GRIA1: variants seen among roughly 807,000 people sequenced by gnomAD.
The protein encoded by GRIA1 is glutamate ionotropic receptor AMPA type subunit 1, also known as glutamate receptor 1.
Under a neutral mutation model 99.2 loss-of-function variants are expected in GRIA1, and 31 were observed. That is an observed-to-expected ratio of 0.31 (90% CI 0.23 to 0.42). The LOEUF is 0.42. Ranked by LOEUF, GRIA1 falls within the 10% of genes least tolerant of loss-of-function variation. The probability of loss-of-function intolerance (pLI) is 1.00; values close to 1 mark genes in which losing one functional copy is unlikely to be tolerated. For missense variants in GRIA1, 782 were observed against 1,157.5 expected (o/e 0.68, Z 4.71); for synonymous variants, 438 against 432.4 (o/e 1.01, Z -0.16).
intron 2 of GRIA1, among the ~76,000 whole-genome samples, chr5:153,553,679 T>C (rs1760359953): frequency 6.6e-6 from 1 of 152,152 alleles, no homozygotes; most frequent in Non-Finnish European, 1.5e-5. Context: ...TAGAACCATA[T>C]GCCAGTTAAA....
intron 2 of GRIA1, among the ~76,000 whole-genome samples, chr5:153,596,855 G>T (rs1561673785): frequency 1.3e-5 from 2 of 152,192 alleles, no homozygotes; most frequent in African/African-American, 4.8e-5. Context: ...GTTGTTTAAT[G>T]AAAAATCATA....
intron 11 of GRIA1, among the ~76,000 whole-genome samples, chr5:153,745,936 T>C (rs1373380035): frequency 6.6e-6 from 1 of 152,212 alleles, no homozygotes. Context: ...GTATCTACAC[T>C]TGTCCAGATA....
At chr5:153,682,485 G>T (rs555198347) in intron 7 of GRIA1, among the ~76,000 whole-genome samples, 4 of 152,080 alleles carry the variant, frequency 2.6e-5, no homozygotes, top group Admixed American at 2.0e-4. Context: ...TTGCTAAGTC[G>T]GTTTAGCAAG....
intron 2 of GRIA1, among the ~76,000 whole-genome samples, chr5:153,547,026 A>AT (rs1312948763): frequency 6.6e-6 from 1 of 152,138 alleles, no homozygotes; most frequent in Non-Finnish European, 1.5e-5. Flanking sequence ...ATTTGGAATT[A>AT]TTTTTTCTTT....
intron 2 of GRIA1, among the ~76,000 whole-genome samples, chr5:153,614,011 C>T (rs368441356): frequency 3.3e-5 from 5 of 152,146 alleles, no homozygotes; most frequent in African/African-American, 1.2e-4. Context: ...TAGTCCTTGC[C>T]TTGGGGCCTT....
At chr5:153,720,877 C>T (rs1760009393) in intron 11 of GRIA1, among the ~76,000 whole-genome samples, 1 of 152,160 alleles carries the variant, frequency 6.6e-6, no homozygotes, top group African/African-American at 2.4e-5. Context: ...CAAGTCTTTC[C>T]TTTTATGATG....
chr5:153,653,632 T>A (rs1040162681), intron 4 of GRIA1, among the ~76,000 whole-genome samples: 1 of 152,194 alleles, frequency 6.6e-6, no homozygotes, highest in African/African-American at 2.4e-5. Flanking sequence ...TATGTTATTG[T>A]CTTCATGGTG....
intron 11 of GRIA1, among the ~76,000 whole-genome samples, chr5:153,734,157 A>G (rs2149563376): frequency 6.6e-6 from 1 of 152,282 alleles, no homozygotes; most frequent in East Asian, 1.9e-4. Context: ...CAGTTAAGTT[A>G]CTTATGTTGT....
intron 11 of GRIA1, among the ~76,000 whole-genome samples, chr5:153,729,248 G>C (rs538335468): frequency 3.3e-5 from 5 of 151,690 alleles, no homozygotes; most frequent in East Asian, 3.9e-4. Flanking sequence ...GTAGGGAGAG[G>C]GGGGAGCGAT....
chr5:153,809,314 A>C (rs1264855789), intron 15 of GRIA1, among the ~76,000 whole-genome samples: 1 of 152,214 alleles, frequency 6.6e-6, no homozygotes, highest in Non-Finnish European at 1.5e-5. Flanking sequence ...TCCAGGTCAC[A>C]CTTTTTCTTC....
intron 5 of GRIA1, among the ~76,000 whole-genome samples, chr5:153,663,636 T>C (rs550156948): frequency 6.6e-6 from 1 of 152,326 alleles, no homozygotes; most frequent in East Asian, 1.9e-4. Context: ...CCTAACTCTG[T>C]CACTTACTCA....
intron 13 of GRIA1, among the ~76,000 whole-genome samples, chr5:153,793,420 G>C (rs185222552): frequency 6.6e-6 from 1 of 152,148 alleles, no homozygotes; most frequent in African/African-American, 2.4e-5. Flanking sequence ...AGTAAACACT[G>C]GGCCTCAACT....
chr5:153,781,540 C>A (rs1438832935), intron 13 of GRIA1, among the ~76,000 whole-genome samples: 3 of 152,116 alleles, frequency 2.0e-5, no homozygotes, highest in African/African-American at 7.2e-5. Flanking sequence ...ATGCAGGAAA[C>A]CCCTGCTGAT....
At chr5:153,805,006 C>T (rs1182180252) in intron 15 of GRIA1, among the ~76,000 whole-genome samples, 2 of 152,178 alleles carry the variant, frequency 1.3e-5, no homozygotes, top group African/African-American at 2.4e-5. Context: ...CCCACCTCGG[C>T]CTTCCAAAGT....
At chr5:153,576,853 T>G (rs915804962) in intron 2 of GRIA1, among the ~76,000 whole-genome samples, 2 of 152,222 alleles carry the variant, frequency 1.3e-5, no homozygotes, top group Non-Finnish European at 2.9e-5. Flanking sequence ...TTATAATTGT[T>G]GGACTCTTTA....
chr5:153,763,751 G>A (rs1005948344), intron 11 of GRIA1, among the ~76,000 whole-genome samples: 2 of 152,144 alleles, frequency 1.3e-5, no homozygotes, highest in African/African-American at 4.8e-5. Flanking sequence ...AAAGTTCAAA[G>A]ATAAATTTCT....
intron 7 of GRIA1, among the ~76,000 whole-genome samples, chr5:153,678,700 C>A (rs112735189): frequency 6.6e-6 from 1 of 152,204 alleles, no homozygotes; most frequent in African/African-American, 2.4e-5. Context: ...CTTCCAACTC[C>A]CTTGCCTCTC....
chr5:153,596,467 G>T (rs1248587353), intron 2 of GRIA1, among the ~76,000 whole-genome samples: 1 of 152,166 alleles, frequency 6.6e-6, no homozygotes, highest in East Asian at 1.9e-4. Context: ...CTGTGAAAGA[G>T]GCAGTTACAA....
intron 2 of GRIA1, among the ~76,000 whole-genome samples, chr5:153,551,131 C>A (rs6580019): frequency 0.47 from 70,875 of 151,794 alleles, 18,259 homozygotes; most frequent in Non-Finnish European, 0.59. Context: ...TGTGTCTAGA[C>A]CCTTAATAGA....
Sources: gnomAD v4.1 joint callset for allele counts (sites outside exome capture counted in the v4.1 genomes callset) on GRCh38, gnomAD v4.1.1 for gene constraint, MANE v1.5 for transcripts, NCBI Gene and HGNC (gene_info 2026-07-23, HGNC 2026-07-21) for gene names.